Variants in ST8SIA6 observed in about 807,000 individuals in gnomAD.
ST8SIA6 encodes the protein alpha-2,8-sialyltransferase 8F.
Under a neutral mutation model 33.6 loss-of-function variants are expected in ST8SIA6, and 39 were observed. The observed-to-expected ratio is 1.16, with a 90% CI of 0.90 to 1.52. The LOEUF (loss-of-function observed/expected upper bound fraction) is 1.52. Among genes scored for constraint, ST8SIA6 ranks in the 40% most tolerant of loss-of-function variants. ST8SIA6 has a pLI of 0.00. For missense variants in ST8SIA6, 441 were observed against 443.8 expected (o/e 0.99, Z 0.06); for synonymous variants, 172 against 167.2 (o/e 1.03, Z -0.22).
intron 5 of ST8SIA6, among the ~76,000 whole-genome samples, chr10:17,328,241 T>C (rs892742552): frequency 1.3e-5 from 2 of 152,188 alleles, no homozygotes; most frequent in Non-Finnish European, 1.5e-5. Context: ...ACCTTCAGGC[T>C]CAGTAAGGCA....
chr10:17,431,798 T>C (rs1386382598), intron 2 of ST8SIA6, among the ~76,000 whole-genome samples: 2 of 151,958 alleles, frequency 1.3e-5, no homozygotes, highest in Admixed American at 1.3e-4. Context: ...ATGCCATTAT[T>C]ATTCCAGGCA....
chr10:17,343,859 A>G lies in ST8SIA6; in HGVS notation c.378-12307T>C, dbSNP rs199545281. On this transcript the variant is annotated intron_variant, in intron 4 of 7. Coordinates refer to ENST00000377602, the MANE Select transcript of ST8SIA6 (RefSeq NM_001004470.3). ...GGAAACGTATTTGAAGCTCATGTCT[A>G]TAGATGCATAAATAATAATAATAAA... is the stretch of plus-strand genomic sequence containing the variant. 3.3e-5 allele frequency among the ~76,000 whole-genome samples: 5 copies of G among 152,320 alleles called. 1 individual carries two copies. The East Asian group carries it at 9.6e-4, about 29-fold the overall frequency.
chr10:17,449,269 A>T (rs1317557746), intron 2 of ST8SIA6, among the ~76,000 whole-genome samples: 2 of 152,128 alleles, frequency 1.3e-5, no homozygotes, highest in Non-Finnish European at 2.9e-5. Context: ...AAGGAAATAG[A>T]ACATGAAAAT....
At chr10:17,441,336 C>T (rs983933018) in intron 2 of ST8SIA6, among the ~76,000 whole-genome samples, 2 of 83,530 alleles carry the variant, frequency 2.4e-5, no homozygotes, top group African/African-American at 2.8e-4. Context: ...TTATTTGAGA[C>T]GGAGTCTCGC....
At position 17,346,113 on chromosome 10, in the gene ST8SIA6, T is replaced by G. The variant is rs114070684; in HGVS notation, c.377+13401A>C. On this transcript the variant is annotated intron_variant, in intron 4 of 7. Transcript: ENST00000377602. Reference sequence around the variant, plus strand: ...GAATCCAGCCATTCCCCAAAGGAATTGAGCCTTCTTGAGCTGCAAGAAGCT... The same window carrying G: ...GAATCCAGCCATTCCCCAAAGGAATGGAGCCTTCTTGAGCTGCAAGAAGCT... Among the ~76,000 whole-genome samples, 941 of 152,326 alleles carry G rather than the reference T, an allele frequency of 6.2e-3. 7 individuals are homozygous for G. The highest frequency in any genetic ancestry group is 0.021 in the African/African-American group (861 of 41,580).
chr10:17,453,586 G>A lies in ST8SIA6; in HGVS notation c.173C>T (p.Ala58Val). 1 of 1,327,230 alleles carries A rather than the reference G, an allele frequency of 7.5e-7. No homozygotes were observed. Among genetic ancestry groups the A allele is most frequent in the Non-Finnish European group, 9.7e-7 (1 of 1,031,236 alleles). The allele number at this position is 1,327,230 out of a possible 1,614,324, so 82.2% of individuals were successfully genotyped here. ...GTTAGTGGCGCGCGGTACCGCGGTC[G>A]CCGGGCTCCGGAGCGTCCTCAGCGC... is the stretch of plus-strand genomic sequence containing the variant. ...PAALRTLRSP[A>V]TAVPRATNST... Residue 58 changes from alanine to valine, a missense_variant, in exon 2 of 8, where the codon GCG becomes GTG. Physicochemically the swap from Ala to Val is moderately conservative, Grantham distance 64. Coordinates refer to ENST00000377602, the MANE Select transcript of ST8SIA6 (RefSeq NM_001004470.3).
intron 4 of ST8SIA6, among the ~76,000 whole-genome samples, chr10:17,338,765 T>A (rs567686540): frequency 1.3e-5 from 2 of 152,326 alleles, no homozygotes; most frequent in South Asian, 4.1e-4. Context: ...AGCCTCTGGC[T>A]TGCTGCGAGT....
intron 3 of ST8SIA6, among the ~76,000 whole-genome samples, chr10:17,376,628 A>T (rs1849924537): frequency 6.6e-6 from 1 of 152,252 alleles, no homozygotes; most frequent in Non-Finnish European, 1.5e-5. Context: ...TAAGATGGAC[A>T]GCTTGGATAT....
intron 2 of ST8SIA6, among the ~76,000 whole-genome samples, chr10:17,395,354 A>G (rs1251065995): frequency 6.6e-6 from 1 of 152,186 alleles, no homozygotes. Context: ...TTCCAGGTAG[A>G]AGTCCAGCAT....
chr10:17,433,896 C>A (rs943506005), intron 2 of ST8SIA6, among the ~76,000 whole-genome samples: 2 of 152,114 alleles, frequency 1.3e-5, no homozygotes, highest in Admixed American at 6.5e-5. Context: ...ATCCTGGGAC[C>A]CAGCCATCCC....
At chr10:17,334,028 T>C (rs1423433418) in intron 4 of ST8SIA6, among the ~76,000 whole-genome samples, 1 of 151,052 alleles carries the variant, frequency 6.6e-6, no homozygotes, top group Non-Finnish European at 1.5e-5. Flanking sequence ...GTTTTTTTTT[T>C]TAAATCTCAC....
intron 5 of ST8SIA6, among the ~76,000 whole-genome samples, chr10:17,330,943 G>A (rs1482907379): frequency 1.2e-4 from 19 of 152,152 alleles, no homozygotes; most frequent in Admixed American, 1.2e-3. Context: ...TGTGAACACA[G>A]CAGACAACAA....
chr10:17,383,628 GT>G (rs1427878079), intron 3 of ST8SIA6, among the ~76,000 whole-genome samples: 1 of 152,058 alleles, frequency 6.6e-6, no homozygotes, highest in South Asian at 2.1e-4. Flanking sequence ...TTAGAGGGTG[GT>G]TTTATAATCA....
At chr10:17,336,264 T>C (rs903217129) in intron 4 of ST8SIA6, among the ~76,000 whole-genome samples, 1 of 152,156 alleles carries the variant, frequency 6.6e-6, no homozygotes, top group Non-Finnish European at 1.5e-5. Flanking sequence ...GCCTTTTTCT[T>C]AAATTATATA....
intron 2 of ST8SIA6, 81 bp from the exon 3 acceptor site, chr10:17,390,701 T>C: frequency 6.0e-6 from 7 of 1,159,686 alleles, no homozygotes; most frequent in Non-Finnish European, 1.3e-6. Context: ...TCAGATTTAA[T>C]TGATAAAGTG....
chr10:17,413,225 C>T (rs190494879), intron 2 of ST8SIA6: 6 of 151,274 alleles, frequency 4.0e-5, no homozygotes, highest in Non-Finnish European at 5.9e-5. Context: ...GGGCATTGAA[C>T]GCTTCCATTT....
At chr10:17,396,217 G>C (rs1339418951) in intron 2 of ST8SIA6, among the ~76,000 whole-genome samples, 1 of 152,138 alleles carries the variant, frequency 6.6e-6, no homozygotes, top group Non-Finnish European at 1.5e-5. Context: ...CTGATCCACT[G>C]ACATCTTGTC....
intron 2 of ST8SIA6, among the ~76,000 whole-genome samples, chr10:17,413,125 C>G (rs2131697319): frequency 6.6e-6 from 1 of 152,218 alleles, no homozygotes; most frequent in Non-Finnish European, 1.5e-5. Flanking sequence ...ACCTCTTTTT[C>G]AACTCTATCA....
intron 2 of ST8SIA6, among the ~76,000 whole-genome samples, chr10:17,416,259 T>A (rs1851603922): frequency 6.6e-6 from 1 of 152,128 alleles, no homozygotes; most frequent in African/African-American, 2.4e-5. Flanking sequence ...CTTTCAAGCC[T>A]CTAAATGTGG....
Sources: gnomAD v4.1 joint callset for allele counts (sites outside exome capture counted in the v4.1 genomes callset) on GRCh38, gnomAD v4.1.1 for gene constraint, MANE v1.5 for transcripts, NCBI Gene and HGNC (gene_info 2026-07-23, HGNC 2026-07-21) for gene names.